Variants in DCC observed in about 807,000 individuals in gnomAD.
DCC encodes netrin receptor DCC.
DCC carries 58 observed loss-of-function variants against 172.5 expected under a neutral mutation model. The observed-to-expected ratio is 0.34, with a 90% CI of 0.27 to 0.42. DCC has a LOEUF of 0.42. DCC is among the 10% of genes least tolerant of loss of function. The pLI is 1.00. For missense variants in DCC, 1,740 were observed against 1,791.0 expected, an observed-to-expected ratio of 0.97 and a Z score of 0.51; for synonymous variants, 709 against 644.5, an observed-to-expected ratio of 1.10 and a Z score of -1.52.
intron 9 of DCC, among the ~76,000 whole-genome samples, chr18:53,193,796 C>G (rs2055401084): frequency 1.3e-5 from 2 of 152,088 alleles, no homozygotes; most frequent in Admixed American, 1.3e-4. Flanking sequence ...TCTTTTAAAG[C>G]CTTGAAATAG....
intron 7 of DCC, among the ~76,000 whole-genome samples, chr18:53,147,761 C>T (rs770063991): frequency 5.3e-5 from 8 of 152,170 alleles, no homozygotes; most frequent in Non-Finnish European, 1.0e-4. Flanking sequence ...TTGAAATGAA[C>T]ATATCCTAGA....
intron 5 of DCC, among the ~76,000 whole-genome samples, chr18:53,025,811 C>T (rs925086694): frequency 6.6e-6 from 1 of 150,712 alleles, no homozygotes; most frequent in African/African-American, 2.4e-5. Flanking sequence ...CACACACACA[C>T]ACACACACAC....
chr18:53,427,105 T>C lies in DCC; in HGVS notation c.3164-8039T>C, dbSNP rs567063332. On this transcript the variant is annotated intron_variant, in intron 21 of 28. Transcript: ENST00000442544. ...TCATTCCGTGGCCTTTGAGAACAGA[T>C]GCTCTTTTATAAGCCAAAAAAGATT... Among the ~76,000 whole-genome samples the C allele has an allele frequency of 9.5e-4, 144 of 152,260 alleles. 1 individual carries two copies. The Middle Eastern group carries it at 0.014, about 14-fold the overall frequency.
At chr18:52,646,490 C>A (rs1392341246) in intron 1 of DCC, among the ~76,000 whole-genome samples, 1 of 152,160 alleles carries the variant, frequency 6.6e-6, no homozygotes. Context: ...ACAAGACTGC[C>A]TGTTACTTCA....
chr18:52,546,934 G>T lies in DCC; in HGVS notation c.92-205120G>T, dbSNP rs187210998. On this transcript the variant is annotated intron_variant, in intron 1 of 28. Transcript: ENST00000442544. ...CAATTTAGAAGTCTGTCAGAACACG[G>T]GCAGCTAATAGAGATATACTCAGAG... Among the ~76,000 whole-genome samples, 201 of 152,098 alleles carry T rather than the reference G, an allele frequency of 1.3e-3. 6 individuals are homozygous for T. Among genetic ancestry groups the T allele is most frequent in the Admixed American group, 0.012 (189 of 15,264 alleles).
intron 1 of DCC, among the ~76,000 whole-genome samples, chr18:52,450,848 GT>G (rs1445564584): frequency 2.0e-5 from 3 of 152,094 alleles, no homozygotes; most frequent in Non-Finnish European, 4.4e-5. Context: ...TGCTCTGCAG[GT>G]CAGGCTTAAC....
intron 12 of DCC, among the ~76,000 whole-genome samples, chr18:53,276,253 C>A (rs1453805335): frequency 6.6e-6 from 1 of 152,084 alleles, no homozygotes; most frequent in Non-Finnish European, 1.5e-5. Flanking sequence ...TGTAAACAGG[C>A]TGCTTAACAA....
intron 2 of DCC, among the ~76,000 whole-genome samples, chr18:52,874,280 C>T (rs7244733): frequency 0.86 from 130,635 of 152,156 alleles, 57,463 homozygotes; most frequent in Middle Eastern, 0.96. Flanking sequence ...CAAAGAAGAA[C>T]TGTCTTTATG....
At chr18:52,770,995 C>T (rs1235968939) in intron 2 of DCC, among the ~76,000 whole-genome samples, 1 of 152,228 alleles carries the variant, frequency 6.6e-6, no homozygotes, top group Non-Finnish European at 1.5e-5. Context: ...CTCCTTCCCA[C>T]TGGGCCTCCA....
intron 2 of DCC, among the ~76,000 whole-genome samples, chr18:52,865,973 A>G (rs1020323980): frequency 1.9e-4 from 29 of 151,956 alleles, no homozygotes; most frequent in African/African-American, 6.8e-4. Flanking sequence ...GCCCATTCCT[A>G]TGTCCTGAAT....
chr18:52,875,935 C>T (rs1213948678), intron 2 of DCC, among the ~76,000 whole-genome samples: 2 of 152,104 alleles, frequency 1.3e-5, no homozygotes, highest in Non-Finnish European at 2.9e-5. Flanking sequence ...GAAATCATAA[C>T]TCATAATGAC....
At chr18:52,885,007 A>T (rs866904551) in intron 2 of DCC, among the ~76,000 whole-genome samples, 1 of 152,158 alleles carries the variant, frequency 6.6e-6, no homozygotes, top group South Asian at 2.1e-4. Context: ...TTTGTCTCAA[A>T]CGAAATTTCT....
chr18:52,892,427 A>C (rs550937815), intron 2 of DCC: 19 of 152,222 alleles, frequency 1.2e-4, no homozygotes, highest in African/African-American at 4.3e-4. Context: ...CATGTGATAT[A>C]ACTGGACCCA....
chr18:52,641,136 A>G (rs1445597824), intron 1 of DCC, among the ~76,000 whole-genome samples: 1 of 152,208 alleles, frequency 6.6e-6, no homozygotes, highest in Admixed American at 6.5e-5. Context: ...TTTTCAACAA[A>G]TGGTGCTGGG....
At chr18:53,525,213 G>GGACTT (rs1227253951) in intron 27 of DCC, among the ~76,000 whole-genome samples, 1 of 152,036 alleles carries the variant, frequency 6.6e-6, no homozygotes, top group African/African-American at 2.4e-5. Context: ...AATGCAGACT[G>GGACTT]GACTTACTGT....
At chr18:53,410,734 C>T in intron 20 of DCC, 88 bp downstream of exon 20, 1 of 833,724 alleles carries the variant, frequency 1.2e-6, no homozygotes, top group South Asian at 1.3e-5. Flanking sequence ...GGCCCTGCAC[C>T]ATCTCTATTA....
intron 3 of DCC, among the ~76,000 whole-genome samples, chr18:52,920,679 T>A (rs575962829): frequency 1.6e-4 from 24 of 152,260 alleles, no homozygotes; most frequent in Non-Finnish European, 8.8e-5. Context: ...TGCACTCCAA[T>A]ATATTTAATT....
At position 52,773,480 on chromosome 18, in the gene DCC, A is replaced by AC. The variant is rs567929052; in HGVS notation, c.412+21113dup. On this transcript the variant is annotated intron_variant, in intron 2 of 28. Transcript: ENST00000442544. ...AAAGTTTATAGGAATTGAAAAATTA[A>AC]CCCCCCCAAATATATATCTCTATAT... 6.9e-4 allele frequency among the ~76,000 whole-genome samples: 104 copies of AC among 150,948 alleles called. 1 individual carries two copies. The South Asian group carries it at 7.8e-3, about 11-fold the overall frequency.
chr18:53,072,533 C>A (rs972471453), intron 7 of DCC, among the ~76,000 whole-genome samples: 4 of 152,216 alleles, frequency 2.6e-5, no homozygotes, highest in African/African-American at 9.6e-5. Context: ...AAGTGGAGGG[C>A]CGTGGAACTG....
Sources: allele counts gnomAD v4.1 joint callset (sites outside exome capture counted in the v4.1 genomes callset), GRCh38; gene constraint gnomAD v4.1.1; transcripts MANE v1.5; gene names NCBI Gene and HGNC (gene_info 2026-07-23, HGNC 2026-07-21).